Variants in DSCAML1 observed in about 807,000 individuals in gnomAD.
DSCAML1 encodes the protein DS cell adhesion molecule like 1, also known as cell adhesion molecule DSCAML1.
Under a neutral mutation model 200.5 loss-of-function variants are expected in DSCAML1, and 38 were observed. That is an observed-to-expected ratio of 0.19 (90% confidence interval 0.15 to 0.25). DSCAML1 has a LOEUF of 0.25. Among genes scored for constraint, DSCAML1 ranks in the 10% least tolerant of loss-of-function variants. DSCAML1 has a pLI of 1.00. For synonymous variants in DSCAML1, 1,215 were observed against 1,165.0 expected (o/e 1.04, Z -0.87); for missense variants, 2,223 against 2,858.8 (o/e 0.78, Z 5.07).
intron 3 of DSCAML1, among the ~76,000 whole-genome samples, chr11:117,542,079 T>C (rs1173123547): frequency 6.6e-6 from 1 of 151,938 alleles, no homozygotes; most frequent in Non-Finnish European, 1.5e-5. Flanking sequence ...GGAGGCCAAG[T>C]AGGGTGGATC....
In DSCAML1 at chr11:117,780,280, G is replaced by GAA. The variant is rs1334789799; in HGVS notation, c.364+211_364+212dup. 1.0e-5 allele frequency among the ~76,000 whole-genome samples: 1 copy of GAA among 96,466 alleles called. No homozygotes were observed. Among genetic ancestry groups the GAA allele is most frequent in the Non-Finnish European group, 2.5e-5 (1 of 39,610 alleles). The allele number at this position is 96,466 out of a possible 152,430, so 63.3% of individuals were successfully genotyped here. A position where few individuals can be genotyped will look rare whatever the true frequency, so the allele number is the denominator to read the frequency against. On this transcript the variant is annotated intron_variant, in intron 2 of 32. Transcript: ENST00000651296. The surrounding 1 kb of genome is among the most constrained non-coding windows in gnomAD (Gnocchi z 4.8). ...AGAAAGAAAGAAAGAAAGAAAGAAAGAAAGAAAGAAAGAAAGAAAGAAAGA... is the reference window on the plus strand; with the variant it reads ...AGAAAGAAAGAAAGAAAGAAAGAAAGAAAAAGAAAGAAAGAAAGAAAGAAAGA...
At chr11:117,600,685 T>C (rs2051449479) in intron 3 of DSCAML1, among the ~76,000 whole-genome samples, 1 of 152,216 alleles carries the variant, frequency 6.6e-6, no homozygotes, top group Non-Finnish European at 1.5e-5. Context: ...AAGTCCTCAC[T>C]AGGCAGAGAA....
At chr11:117,674,919 A>G (rs2053180499) in intron 3 of DSCAML1, among the ~76,000 whole-genome samples, 1 of 152,112 alleles carries the variant, frequency 6.6e-6, no homozygotes, top group Non-Finnish European at 1.5e-5. Context: ...AACCACATGG[A>G]ATGATCTGGG....
At chr11:117,448,493 A>T (rs144690975) in intron 20 of DSCAML1, among the ~76,000 whole-genome samples, 4 of 152,256 alleles carry the variant, frequency 2.6e-5, no homozygotes, top group African/African-American at 7.2e-5. Flanking sequence ...GACTGCCTTC[A>T]AATGCATTCA....
At chr11:117,566,334 TTTTC>T (rs1042291607) in intron 3 of DSCAML1, among the ~76,000 whole-genome samples, 95 of 133,860 alleles carry the variant, frequency 7.1e-4, no homozygotes, top group Non-Finnish European at 1.5e-3. Flanking sequence ...TCTCCCTTTC[TTTTC>T]TTTCTCTCTC....
chr11:117,729,924 G>A (rs1474690387), intron 3 of DSCAML1, among the ~76,000 whole-genome samples: 2 of 152,266 alleles, frequency 1.3e-5, no homozygotes, highest in African/African-American at 4.8e-5. Context: ...AGTCAGGCCG[G>A]GCGCAGTGGC....
At chr11:117,678,031 C>T (rs1474466214) in intron 3 of DSCAML1, among the ~76,000 whole-genome samples, 1 of 152,220 alleles carries the variant, frequency 6.6e-6, no homozygotes, top group Admixed American at 6.5e-5. Context: ...AGGTCATTGC[C>T]TGCATGGGGA....
intron 1 of DSCAML1, among the ~76,000 whole-genome samples, chr11:117,814,134 T>G (rs11216557): frequency 0.14 from 19,299 of 141,990 alleles, 1,357 homozygotes; most frequent in African/African-American, 0.19. Context: ...GTGACCCCCC[T>G]TCCCTGCCCA....
chr11:117,776,682 C>T, intron 3 of DSCAML1, 109 bp downstream of exon 3: 1 of 1,366,272 alleles, frequency 7.3e-7, no homozygotes, highest in Non-Finnish European at 1.0e-6. Context: ...CTCCCCAGAG[C>T]CAACCTCAAG....
At chr11:117,646,331 G>A (rs1158148693) in intron 3 of DSCAML1, among the ~76,000 whole-genome samples, 1 of 151,086 alleles carries the variant, frequency 6.6e-6, no homozygotes, top group Non-Finnish European at 1.5e-5. Flanking sequence ...TCAAGCTCTC[G>A]AGATGGAGCC....
chr11:117,711,301 AC>A, intron 3 of DSCAML1, among the ~76,000 whole-genome samples: 1 of 152,116 alleles, frequency 6.6e-6, no homozygotes, highest in Non-Finnish European at 1.5e-5. Context: ...CCACTCTCAA[AC>A]TCTCAAAAAT....
At chr11:117,673,169 G>C (rs1333522385) in intron 3 of DSCAML1, among the ~76,000 whole-genome samples, 4 of 152,190 alleles carry the variant, frequency 2.6e-5, no homozygotes, top group Non-Finnish European at 5.9e-5. Context: ...GTCTAACTGT[G>C]ATCAAGAAAG....
In DSCAML1 at chr11:117,432,471, G is replaced by A. The variant is rs1471504442; in HGVS notation, c.5060C>T (p.Ala1687Val). ...DDKATIPVTD[A>V]EFSQAVNPQS... Reference sequence around the variant, plus strand: ...TGGGTTGACAGCTTGGCTGAACTCAGCATCTGTCACAGGGATGGTGGCCTT... The same window carrying A: ...TGGGTTGACAGCTTGGCTGAACTCAACATCTGTCACAGGGATGGTGGCCTT... Residue 1687 changes from alanine to valine, a missense_variant, in exon 30 of 33, where the codon GCT becomes GTT. This residue lies in a region of DSCAML1 where 614 missense variants were observed against 739.1 expected (regional missense o/e 0.83). Transcript: ENST00000651296. 4 of 1,614,232 alleles carry A rather than the reference G, an allele frequency of 2.5e-6. No individual in the cohort carries two copies. In the South Asian group the frequency reaches 3.3e-5, roughly 13 times the overall value.
intron 3 of DSCAML1, among the ~76,000 whole-genome samples, chr11:117,646,292 G>T (rs955721919): frequency 6.6e-6 from 1 of 151,876 alleles, no homozygotes; most frequent in Admixed American, 6.6e-5. Context: ...TCCCTGGAGA[G>T]GTGTGGAATC....
intron 11 of DSCAML1, among the ~76,000 whole-genome samples, chr11:117,494,615 T>C (rs966334008): frequency 3.3e-5 from 5 of 152,122 alleles, no homozygotes; most frequent in Admixed American, 6.5e-5. Flanking sequence ...CCAAAAGATA[T>C]GTTGAAGTCC....
chr11:117,454,314 T>C (rs2048335570), intron 19 of DSCAML1, among the ~76,000 whole-genome samples: 1 of 152,196 alleles, frequency 6.6e-6, no homozygotes, highest in Non-Finnish European at 1.5e-5. Flanking sequence ...CACACTGAAG[T>C]TTAATGTTTC....
At chr11:117,733,143 C>CA (rs76276474) in intron 3 of DSCAML1, among the ~76,000 whole-genome samples, 130,411 of 151,992 alleles carry the variant, frequency 0.86, 57,400 homozygotes, top group Non-Finnish European at 0.95. Flanking sequence ...GGAGGACATG[C>CA]GGGGGAAGGG....
At chr11:117,672,102 G>GA (rs71037491) in intron 3 of DSCAML1, among the ~76,000 whole-genome samples, 11,665 of 94,170 alleles carry the variant, frequency 0.12, 722 homozygotes, top group African/African-American at 0.16. Flanking sequence ...CTCCAGCTCA[G>GA]AAAAAAAAAA....
At chr11:117,533,461 A>T (rs1644166773) in intron 3 of DSCAML1, among the ~76,000 whole-genome samples, 1 of 152,186 alleles carries the variant, frequency 6.6e-6, no homozygotes, top group African/African-American at 2.4e-5. Context: ...TTCACTCAAC[A>T]AATGATTATT....
Sources: gnomAD v4.1 joint callset for allele counts (sites outside exome capture counted in the v4.1 genomes callset) on GRCh38, gnomAD v4.1.1 for gene constraint, gnomAD v4.1.1 regional missense constraint, Gnocchi (gnomAD v3.1) non-coding constraint, MANE v1.5 for transcripts, NCBI Gene and HGNC (gene_info 2026-07-23, HGNC 2026-07-21) for gene names.